PTPN1: variants seen among roughly 807,000 people sequenced by gnomAD.
PTPN1 encodes the protein tyrosine-protein phosphatase non-receptor type 1.
Under a neutral mutation model 59.9 loss-of-function variants are expected in PTPN1, and 12 were observed. The ratio of observed to expected loss-of-function variants is 0.20; its 90% CI spans 0.13 to 0.32. PTPN1 has a LOEUF of 0.32. PTPN1 is among the 10% of genes least tolerant of loss of function. The pLI is 1.00. For synonymous variants in PTPN1, 178 were observed against 203.6 expected (o/e 0.87, Z 1.07); for missense variants, 356 against 549.2 (o/e 0.65, Z 3.52).
In PTPN1 at chr20:50,579,319, C is replaced by T. The variant is rs1363544131; in HGVS notation, c.854C>T (p.Ser285Phe). 1 of 1,614,074 alleles carries T rather than the reference C, an allele frequency of 6.2e-7. No individual in the cohort carries two copies. Among genetic ancestry groups the T allele is most frequent in the South Asian group, 1.1e-5 (1 of 91,074 alleles). Reference protein sequence around the residue: ...IEGAKFIMGDSSVQDQWKELS... With the variant: ...IEGAKFIMGDFSVQDQWKELS... ...GGTGCCAAATTCATCATGGGGGACT[C>T]TTCCGTGCAGGTCAGCATTGCCTTT... The change falls in exon 7 of 10, where the codon TCT becomes TTT. Residue 285 changes from serine (S) to phenylalanine (F), a missense_variant. Physicochemically the swap from Ser to Phe is radical, Grantham distance 155. Around this residue, in one of 3 missense-constraint regions of PTPN1, gnomAD observed 100 missense variants for 107.7 expected, o/e 0.93. Transcript: ENST00000371621.
At chr20:50,524,942 T>G (rs1046811575) in intron 1 of PTPN1, among the ~76,000 whole-genome samples, 1 of 152,200 alleles carries the variant, frequency 6.6e-6, no homozygotes, top group Admixed American at 6.5e-5. Flanking sequence ...TCAAGTACCT[T>G]ATTAAAAAAC....
intron 3 of PTPN1, among the ~76,000 whole-genome samples, chr20:50,566,527 G>C (rs1160222856): frequency 1.3e-5 from 2 of 152,042 alleles, no homozygotes; most frequent in African/African-American, 4.8e-5. Flanking sequence ...TAAAGGAGTC[G>C]AGGCAGCCTG....
chr20:50,561,315 T>G (rs2082751510), intron 1 of PTPN1, 48 bp from the exon 2 acceptor site: 2 of 1,379,492 alleles, frequency 1.4e-6, no homozygotes, highest in Admixed American at 3.9e-5. Flanking sequence ...TTGCTGGGTC[T>G]TCCTCAGTGT....
At chr20:50,564,863 G>T in intron 2 of PTPN1, 106 bp from the exon 3 acceptor site, 7 of 1,526,390 alleles carry the variant, frequency 4.6e-6, no homozygotes, top group Non-Finnish European at 6.2e-6. Flanking sequence ...CAGTGTGAAT[G>T]CCACTAATGC....
intron 5 of PTPN1, among the ~76,000 whole-genome samples, chr20:50,575,775 A>G (rs75146649): frequency 0.061 from 9,277 of 152,074 alleles, 407 homozygotes; most frequent in Non-Finnish European, 0.091. Context: ...AAAAACAAAA[A>G]CAGTTAGTCA....
At position 50,559,030 on chromosome 20, in the gene PTPN1, A is replaced by ATTT. The variant is rs35277786; in HGVS notation, c.64-2314_64-2312dup. On this transcript the variant is annotated intron_variant, in intron 1 of 9. Transcript: ENST00000371621. Reference sequence around the variant, plus strand: ...GTATTGAGACCTTACACGTCAGGGAATTTTTTTTTTTTTTTTTTTTTGAGA... The same window carrying ATTT: ...GTATTGAGACCTTACACGTCAGGGAATTTTTTTTTTTTTTTTTTTTTTTTGAGA... Among the ~76,000 whole-genome samples the ATTT allele has an allele frequency of 2.4e-3, 281 of 119,430 alleles. 4 individuals carry two copies. The highest frequency in any genetic ancestry group is 7.1e-3 in the African/African-American group (213 of 29,906). The allele number at this position is 119,430 out of a possible 152,430, so 78.4% of individuals were successfully genotyped here.
Position 50,581,507 on chromosome 20 carries a change from G to C in PTPN1, c.1284+47G>C, listed in dbSNP as rs1477102136. Reference sequence around the variant, plus strand: ...CGCTGGCGAGATGCTCGTGTGCAGAGAGCACTGGCCGCTAGCCCGATGGTA... The same window carrying C: ...CGCTGGCGAGATGCTCGTGTGCAGACAGCACTGGCCGCTAGCCCGATGGTA... On this transcript the variant is annotated intron_variant, in intron 9 of 9. Transcript: ENST00000371621. 1.9e-6 allele frequency: 3 copies of C among 1,557,740 alleles called. No individual in the cohort carries two copies. In the African/African-American group the frequency reaches 4.1e-5, roughly 21 times the overall value.
At chr20:50,535,015 T>G (rs1439469898) in intron 1 of PTPN1, among the ~76,000 whole-genome samples, 1 of 139,708 alleles carries the variant, frequency 7.2e-6, no homozygotes, top group Non-Finnish European at 1.6e-5. Flanking sequence ...CCCAAAGTGC[T>G]GGAATTACAG....
chr20:50,561,268 T>C, intron 1 of PTPN1, 95 bp from the exon 2 acceptor site: 1 of 934,916 alleles, frequency 1.1e-6, no homozygotes, highest in Non-Finnish European at 1.7e-6. Context: ...CACCTTGCAT[T>C]TCCCATATTG....
chr20:50,581,961 T>C (rs1305977510), intron 9 of PTPN1, among the ~76,000 whole-genome samples: 1 of 152,198 alleles, frequency 6.6e-6, no homozygotes, highest in Non-Finnish European at 1.5e-5. Context: ...CTTTTACGAA[T>C]GTAAACTCCC....
intron 2 of PTPN1, among the ~76,000 whole-genome samples, chr20:50,561,908 C>T (rs556971573): frequency 2.8e-4 from 42 of 152,270 alleles, no homozygotes; most frequent in Admixed American, 1.6e-3. Context: ...GAGTCCCCAC[C>T]GCCTCCACCC....
intron 1 of PTPN1, among the ~76,000 whole-genome samples, chr20:50,541,629 C>G (rs557055011): frequency 6.6e-6 from 1 of 152,326 alleles, no homozygotes; most frequent in East Asian, 1.9e-4. Flanking sequence ...TCTCTCCTTT[C>G]TGACCTTTTG....
At chr20:50,535,582 G>A (rs2122742142) in intron 1 of PTPN1, among the ~76,000 whole-genome samples, 1 of 152,270 alleles carries the variant, frequency 6.6e-6, no homozygotes, top group Middle Eastern at 3.4e-3. Flanking sequence ...TTAGGATTTG[G>A]TTACAGAAAG....
chr20:50,512,057 A>G (rs1197228298), intron 1 of PTPN1, among the ~76,000 whole-genome samples: 1 of 152,166 alleles, frequency 6.6e-6, no homozygotes, highest in Non-Finnish European at 1.5e-5. Context: ...TAGTGTGTAT[A>G]TTAGTTTCTG....
chr20:50,511,150 C>T (rs1433022368), intron 1 of PTPN1, among the ~76,000 whole-genome samples: 1 of 152,148 alleles, frequency 6.6e-6, no homozygotes. Context: ...TGCTAGGCAC[C>T]GCTTAGGCAT....
chr20:50,546,601 G>T (rs920935022), intron 1 of PTPN1, among the ~76,000 whole-genome samples: 2 of 152,186 alleles, frequency 1.3e-5, no homozygotes, highest in Non-Finnish European at 2.9e-5. Context: ...AGAATCTTGT[G>T]CCACTCTTGG....
intron 1 of PTPN1, among the ~76,000 whole-genome samples, chr20:50,560,228 G>A (rs2082745917): frequency 6.6e-6 from 1 of 151,926 alleles, no homozygotes; most frequent in African/African-American, 2.4e-5. Flanking sequence ...TTGGTGGAGC[G>A]CTCACATCTT....
At chr20:50,575,502 C>T (rs893532133) in intron 5 of PTPN1, among the ~76,000 whole-genome samples, 2 of 152,160 alleles carry the variant, frequency 1.3e-5, no homozygotes, top group African/African-American at 2.4e-5. Flanking sequence ...AAGGTGGAGC[C>T]GTAGGGAGAC....
chr20:50,564,410 A>G (rs1421705312), intron 2 of PTPN1, among the ~76,000 whole-genome samples: 1 of 152,176 alleles, frequency 6.6e-6, no homozygotes, highest in African/African-American at 2.4e-5. Flanking sequence ...CCTGGCCAAC[A>G]TGGTGAAACC....
Sources: allele counts gnomAD v4.1 joint callset (sites outside exome capture counted in the v4.1 genomes callset), GRCh38; gene constraint gnomAD v4.1.1; regional missense constraint gnomAD v4.1.1; transcripts MANE v1.5; gene names NCBI Gene and HGNC (gene_info 2026-07-23, HGNC 2026-07-21).